The following GBP1 variants were observed in gnomAD, a reference collection of about 807,000 sequenced individuals.
The protein encoded by GBP1 is guanylate-binding protein 1.
A neutral mutation model predicts 69.5 loss-of-function variants in GBP1; 64 were observed. That is an observed-to-expected ratio of 0.92 (90% confidence interval 0.75 to 1.13). The LOEUF (loss-of-function observed/expected upper bound fraction) is 1.13. Among genes scored for constraint, GBP1 ranks in the 50% most tolerant of loss-of-function variants. The pLI, the probability that GBP1 is intolerant of heterozygous loss-of-function variation, is 0.00. For missense variants in GBP1, 630 were observed against 704.1 expected (o/e 0.89, Z 1.19); for synonymous variants, 250 against 261.2 (o/e 0.96, Z 0.41).
chr1:89,058,654 G>A, intron 5 of GBP1, 187 bp downstream of exon 5: 1 of 666,312 alleles, frequency 1.5e-6, no homozygotes, highest in Non-Finnish European at 2.5e-6. Flanking sequence ...ACTTGTTCTA[G>A]AACAATGACA....
intron 1 of GBP1, among the ~76,000 whole-genome samples, chr1:89,063,775 C>CA (rs1178127537): frequency 2.6e-5 from 4 of 152,186 alleles, no homozygotes; most frequent in African/African-American, 9.7e-5. Flanking sequence ...TGAGGATTGA[C>CA]AAAGCTTCTC....
intron 10 of GBP1, among the ~76,000 whole-genome samples, 181 bp downstream of exon 10, chr1:89,054,501 T>G (rs1679993627): frequency 6.6e-6 from 1 of 152,120 alleles, no homozygotes; most frequent in African/African-American, 2.4e-5. Context: ...AATAAAAAAC[T>G]TTCAGTGACC....
intron 5 of GBP1, chr1:89,058,447 G>A: frequency 1.9e-6 from 1 of 536,380 alleles, no homozygotes; most frequent in South Asian, 2.7e-5. Context: ...CAGCTGGCAG[G>A]CAGGATTTGC....
At position 89,062,452 on chromosome 1, in the gene GBP1, A is replaced by G. The variant is rs545336760; in HGVS notation, c.190+593T>C. ...TTATATAAGGTTTCTGTAGTAGTCA[A>G]ATTCATAGAGATAGAATGTAGAATG... On this transcript the variant is annotated intron_variant, in intron 2 of 10. Coordinates refer to ENST00000370473, the MANE Select transcript of GBP1 (RefSeq NM_002053.3). 5.9e-5 allele frequency among the ~76,000 whole-genome samples: 9 copies of G among 152,358 alleles called. No individual in the cohort carries two copies. The South Asian group carries it at 1.9e-3, about 32-fold the overall frequency.
At chr1:89,061,793 A>G (rs374668391) in intron 2 of GBP1, among the ~76,000 whole-genome samples, 2 of 152,124 alleles carry the variant, frequency 1.3e-5, no homozygotes, top group Non-Finnish European at 2.9e-5. Context: ...AAAATATAAA[A>G]AAATTTACAA....
At position 89,055,200 on chromosome 1, in the gene GBP1, G is replaced by T; in HGVS notation, c.1384C>A (p.Gln462Lys). 6.2e-7 allele frequency: 1 copy of T among 1,613,276 alleles called. No individual in the cohort carries two copies. The highest frequency in any genetic ancestry group is 8.5e-7 in the Non-Finnish European group (1 of 1,179,802). Reference protein sequence around the residue: ...RKGIQAEEILQTYLKSKESMT... With the variant: ...RKGIQAEEILKTYLKSKESMT... ...GACTCCTTGGATTTCAAGTATGTCT[G>T]CAGAATCTCTTCAGCCTTAGGACCC... is the stretch of plus-strand genomic sequence containing the variant. Residue 462 changes from glutamine to lysine, a missense_variant, in exon 9 of 11, where the codon CAG becomes AAG. Transcript: ENST00000370473.
At chr1:89,056,725 A>G in intron 7 of GBP1, 129 bp downstream of exon 7, 2 of 1,097,566 alleles carry the variant, frequency 1.8e-6, no homozygotes, top group Non-Finnish European at 2.6e-6. Flanking sequence ...ATGTGATCAC[A>G]AATCTGTTGT....
Position 89,058,188 on chromosome 1 carries a change from G to T in GBP1, c.678C>A (p.Ile226=), listed in dbSNP as rs142858715. Residue 226 remains isoleucine, a synonymous_variant, in exon 6 of 11, where the codon ATC becomes ATA. Coordinates refer to ENST00000370473, the MANE Select transcript of GBP1 (RefSeq NM_002053.3). ...DETFNLPRLC[I]RKFFPKKKCF... ...ATTTTTTCTTTGGGAAGAATTTCCG[G>T]ATACAGAGTCTGGGCAGGTTAAAAG... is the stretch of plus-strand genomic sequence containing the variant. 2 of 1,613,884 alleles carry T rather than the reference G, an allele frequency of 1.2e-6. No homozygotes were observed. Among genetic ancestry groups the T allele is most frequent in the African/African-American group, 1.3e-5 (1 of 75,012 alleles).
intron 2 of GBP1, among the ~76,000 whole-genome samples, chr1:89,060,850 C>T (rs1680179034): frequency 6.6e-6 from 1 of 152,240 alleles, no homozygotes. Flanking sequence ...TAAAACAATT[C>T]ATCAAAGTTG....
chr1:89,059,548 T>C, intron 3 of GBP1, 122 bp from the exon 4 acceptor site: 3 of 1,009,852 alleles, frequency 3.0e-6, no homozygotes, highest in Non-Finnish European at 4.2e-6. Flanking sequence ...TTTTTTTTTT[T>C]TTTTTTAACA....
chr1:89,060,332 GGA>G lies in GBP1; in HGVS notation c.191-10_191-9del, dbSNP rs1680149296. ...TGGAGCCCAGAGAGAAGCCTGCAAG[GGA>G]GAGAGGAGACCAGCGATGGGGATTT... is the stretch of plus-strand genomic sequence containing the variant. On this transcript the variant is annotated splice_polypyrimidine_tract_variant and intron_variant, in intron 2 of 10. Coordinates refer to ENST00000370473, the MANE Select transcript of GBP1 (RefSeq NM_002053.3). The G allele has an allele frequency of 6.4e-7, 1 of 1,557,450 alleles. No individual in the cohort carries two copies. Among genetic ancestry groups the G allele is most frequent in the Non-Finnish European group, 8.7e-7 (1 of 1,153,812 alleles).
chr1:89,058,739 C>T, intron 5 of GBP1, 102 bp downstream of exon 5: 1 of 1,201,558 alleles, frequency 8.3e-7, no homozygotes. Context: ...CAGCTGAAGA[C>T]ATAGAAAACT....
chr1:89,053,406 T>C lies in GBP1; in HGVS notation c.1728A>G (p.Ile576Met). The change falls in exon 11 of 11, where the codon ATA (isoleucine) becomes ATG (methionine). Residue 576 changes from isoleucine (I) to methionine (M), a missense_variant. Physicochemically the swap from Ile to Met is conservative, Grantham distance 10. This residue lies in a region of GBP1 where 71 missense variants were observed against 72.7 expected (regional missense o/e 0.98). Coordinates refer to ENST00000370473, the MANE Select transcript of GBP1 (RefSeq NM_002053.3). ...QKESRIMKNEIQDLQTKMRRR... is the reference protein window; with the variant it reads ...QKESRIMKNEMQDLQTKMRRR... ...GTCTCATTTTCGTCTGGAGATCCTG[T>C]ATCTCATTTTTCATTATTCTGCTTT... is the stretch of plus-strand genomic sequence containing the variant. The C allele has an allele frequency of 6.2e-7, 1 of 1,613,876 alleles. No individual in the cohort carries two copies. Among genetic ancestry groups the C allele is most frequent in the Non-Finnish European group, 8.5e-7 (1 of 1,180,012 alleles).
chr1:89,059,568 T>G, intron 3 of GBP1, 142 bp from the exon 4 acceptor site: 1 of 793,160 alleles, frequency 1.3e-6, no homozygotes. Flanking sequence ...ACTAATGACC[T>G]ATTAAAGGAA....
chr1:89,053,770 G>T (rs1366801386), intron 10 of GBP1, among the ~76,000 whole-genome samples: 1 of 152,230 alleles, frequency 6.6e-6, no homozygotes, highest in Non-Finnish European at 1.5e-5. Flanking sequence ...AGACAGGTAA[G>T]AAATCTGAGT....
intron 8 of GBP1, chr1:89,055,461 A>G (rs1680021105): frequency 4.4e-6 from 2 of 453,852 alleles, no homozygotes; most frequent in Admixed American, 7.5e-5. Flanking sequence ...TGTCCTGTTT[A>G]GATTAAGGGC....
rs750533336 is a variant in GBP1 at position 89,058,143 on chromosome 1, G to T, written c.723C>A (p.Pro241=). 6 of 1,614,006 alleles carry T rather than the reference G, an allele frequency of 3.7e-6. No homozygotes were observed. Among genetic ancestry groups the T allele is most frequent in the Admixed American group, 1.7e-5 (1 of 60,022 alleles). Residue 241 remains proline, a synonymous_variant, in exon 6 of 11, where the codon CCC becomes CCA. Coordinates refer to ENST00000370473, the MANE Select transcript of GBP1 (RefSeq NM_002053.3). ...GCTGGGCAAGCTTCCTGCGGTGAACGGGCCGATCAAAGACAAAGCATTTTT... is the reference window on the plus strand; with the variant it reads ...GCTGGGCAAGCTTCCTGCGGTGAACTGGCCGATCAAAGACAAAGCATTTTT... ...PKKKCFVFDR[P]VHRRKLAQLE... is the part of the protein sequence containing the mutation.
chr1:89,057,613 G>A (rs1377040646), intron 6 of GBP1, among the ~76,000 whole-genome samples: 1 of 152,226 alleles, frequency 6.6e-6, no homozygotes, highest in Non-Finnish European at 1.5e-5. Context: ...TGTTGTATAT[G>A]TGCTTTTCAG....
intron 3 of GBP1, 110 bp from the exon 4 acceptor site, chr1:89,059,536 C>CA: frequency 1.7e-6 from 1 of 596,222 alleles, no homozygotes; most frequent in Non-Finnish European, 2.6e-6. Context: ...TTTTTCTTTT[C>CA]TTTTTTTTTT....
Sources: allele counts gnomAD v4.1 joint callset (sites outside exome capture counted in the v4.1 genomes callset), GRCh38; gene constraint gnomAD v4.1.1; regional missense constraint gnomAD v4.1.1; transcripts MANE v1.5; gene names NCBI Gene and HGNC (gene_info 2026-07-23, HGNC 2026-07-21).